Variants in SEC24A observed in about 807,000 individuals in gnomAD.
SEC24A encodes the protein SEC24 homolog A, COPII component, also known as protein transport protein Sec24A.
A neutral mutation model predicts 129.4 loss-of-function variants in SEC24A; 93 were observed. The observed-to-expected ratio is 0.72, with a 90% confidence interval of 0.61 to 0.85. The LOEUF (loss-of-function observed/expected upper bound fraction) is 0.85, where lower values mean the gene tolerates loss of function less well. SEC24A is among the 40% of genes least tolerant of loss of function. The probability of loss-of-function intolerance (pLI) is 0.00; values close to 1 mark genes in which losing one functional copy is unlikely to be tolerated. For missense variants in SEC24A, 1,264 were observed against 1,307.4 expected (o/e 0.97, Z 0.51); for synonymous variants, 460 against 467.3 (o/e 0.98, Z 0.20).
At chr5:134,703,693 A>G (rs1286145653) in intron 15 of SEC24A, 66 bp from the exon 16 acceptor site, 7 of 1,053,360 alleles carry the variant, frequency 6.6e-6, no homozygotes, top group East Asian at 2.5e-5. Flanking sequence ...ATAAGTAACT[A>G]GGATAAAATG....
At chr5:134,716,737 G>A (rs187224037) in intron 19 of SEC24A, among the ~76,000 whole-genome samples, 15 of 147,226 alleles carry the variant, frequency 1.0e-4, no homozygotes, top group Admixed American at 2.7e-4. Flanking sequence ...GGCAAAGGTC[G>A]CAGTGAGCTG....
rs187146236 is a variant in SEC24A, at chr5:134,690,364, A to G, written c.1723+2065A>G. On this transcript the variant is annotated intron_variant, in intron 11 of 22. Transcript: ENST00000398844. Reference sequence around the variant, plus strand: ...CAGAGACTCTTGTTGCCCATGTTGCAGTGCAATGGTGCAATCATAGCTTGC... The same window carrying G: ...CAGAGACTCTTGTTGCCCATGTTGCGGTGCAATGGTGCAATCATAGCTTGC... Among the ~76,000 whole-genome samples, 54 of 152,248 alleles carry G rather than the reference A, an allele frequency of 3.5e-4. No individual in the cohort carries two copies. In the East Asian group the frequency reaches 9.5e-3, roughly 27 times the overall value.
At chr5:134,671,511 T>G (rs1750861785) in intron 3 of SEC24A, among the ~76,000 whole-genome samples, 1 of 152,202 alleles carries the variant, frequency 6.6e-6, no homozygotes, top group Admixed American at 6.6e-5. Flanking sequence ...TGCTAGAAGT[T>G]ATTTTGCTGG....
intron 2 of SEC24A, among the ~76,000 whole-genome samples, chr5:134,665,521 A>G (rs1750630503): frequency 6.6e-6 from 1 of 151,678 alleles, no homozygotes; most frequent in South Asian, 2.1e-4. Flanking sequence ...ATAGACATGA[A>G]CCACTGCTCC....
At chr5:134,660,820 G>A (rs1561802382) in intron 1 of SEC24A, among the ~76,000 whole-genome samples, 1 of 152,130 alleles carries the variant, frequency 6.6e-6, no homozygotes, top group South Asian at 2.1e-4. Flanking sequence ...GCCTCCCAAA[G>A]TGCTGGGATT....
At position 134,677,962 on chromosome 5, in the gene SEC24A, A is replaced by G. The variant is rs533702281; in HGVS notation, c.1255-1640A>G. ...CTGTCTCAGGGTTTCTGGTAAATCA[A>G]AACAAATCTCCCCAAATCTGATAGT... On this transcript the variant is annotated intron_variant, in intron 7 of 22. Coordinates refer to ENST00000398844, the MANE Select transcript of SEC24A (RefSeq NM_021982.3). Among the ~76,000 whole-genome samples the G allele has an allele frequency of 2.8e-3, 426 of 152,308 alleles. 3 individuals are homozygous for G. Among genetic ancestry groups the G allele is most frequent in the Middle Eastern group, 6.8e-3 (2 of 292 alleles).
Position 134,662,376 on chromosome 5 carries a change from G to C in SEC24A, c.565+790G>C, listed in dbSNP as rs559602427. Reference sequence around the variant, plus strand: ...TCACCGTGTTAGCCAGGATGGTCTCGATCTCCTGACCTCGTGATCCGCCCG... The same window carrying C: ...TCACCGTGTTAGCCAGGATGGTCTCCATCTCCTGACCTCGTGATCCGCCCG... On this transcript the variant is annotated intron_variant, in intron 2 of 22. Transcript: ENST00000398844. Among the ~76,000 whole-genome samples the C allele has an allele frequency of 6.6e-5, 10 of 152,038 alleles. No homozygotes were observed. In the East Asian group the frequency reaches 1.4e-3, roughly 21 times the overall value.
At chr5:134,705,091 T>TATATA (rs1491338363) in intron 16 of SEC24A, among the ~76,000 whole-genome samples, 83 of 94,976 alleles carry the variant, frequency 8.7e-4, no homozygotes, top group African/African-American at 3.4e-3. Flanking sequence ...TATATATATA[T>TATATA]TTTTTTTTTT....
chr5:134,705,512 T>A (rs755080285), intron 17 of SEC24A, 75 bp downstream of exon 17: 1 of 942,622 alleles, frequency 1.1e-6, no homozygotes, highest in Non-Finnish European at 1.7e-6. Context: ...TGTTTTCCTT[T>A]AAATAGTTAG....
chr5:134,658,879 A>G (rs1434062931), intron 1 of SEC24A, among the ~76,000 whole-genome samples: 1 of 152,138 alleles, frequency 6.6e-6, no homozygotes, highest in Non-Finnish European at 1.5e-5. Flanking sequence ...TCAGATTGAC[A>G]TCTTTCCTGG....
chr5:134,701,657 C>T (rs914474112), intron 15 of SEC24A, among the ~76,000 whole-genome samples: 4 of 151,894 alleles, frequency 2.6e-5, no homozygotes, highest in East Asian at 1.9e-4. Context: ...ATTACAGGCA[C>T]GTGCTACCAT....
Position 134,658,806 on chromosome 5 carries a change from T to C in SEC24A, c.98-2313T>C, listed in dbSNP as rs1446767801. 2.0e-5 allele frequency among the ~76,000 whole-genome samples: 3 copies of C among 152,100 alleles called. No homozygotes were observed. In the East Asian group the frequency reaches 5.8e-4, roughly 29 times the overall value. On this transcript the variant is annotated intron_variant, in intron 1 of 22. Coordinates refer to ENST00000398844, the MANE Select transcript of SEC24A (RefSeq NM_021982.3). Reference sequence around the variant, plus strand: ...GATAAATGGGCTTTTAGAATAGATATGATAGTTTTGTGATGATATCTGTTT... The same window carrying C: ...GATAAATGGGCTTTTAGAATAGATACGATAGTTTTGTGATGATATCTGTTT...
intron 18 of SEC24A, among the ~76,000 whole-genome samples, chr5:134,712,987 A>AG (rs1752374411): frequency 3.8e-5 from 5 of 129,892 alleles, no homozygotes. Context: ...GCTGGAGTGC[A>AG]GTGGCGCAGT....
At chr5:134,703,725 A>G in intron 15 of SEC24A, 34 bp from the exon 16 acceptor site, 1 of 1,431,018 alleles carries the variant, frequency 7.0e-7, no homozygotes, top group Non-Finnish European at 9.8e-7. Context: ...ATGTAGGTAT[A>G]TAAAAATAAT....
intron 18 of SEC24A, among the ~76,000 whole-genome samples, chr5:134,713,492 C>G (rs1377120928): frequency 2.6e-5 from 4 of 152,026 alleles, no homozygotes; most frequent in Non-Finnish European, 4.4e-5. Flanking sequence ...TCCATGAGGA[C>G]AAGGATTTTT....
chr5:134,697,029 A>G (rs1178534212), intron 13 of SEC24A, 97 bp from the exon 14 acceptor site: 3 of 663,160 alleles, frequency 4.5e-6, no homozygotes, highest in South Asian at 3.2e-5. Context: ...AATAATTGCA[A>G]TTGTTGTTAA....
chr5:134,701,846 T>G (rs868715698), intron 15 of SEC24A, among the ~76,000 whole-genome samples: 42 of 152,290 alleles, frequency 2.8e-4, no homozygotes, highest in Admixed American at 1.6e-3. Flanking sequence ...TAAAGCTTTG[T>G]GGTTAGCTTG....
At chr5:134,717,130 C>T (rs969778144) in intron 19 of SEC24A, among the ~76,000 whole-genome samples, 2 of 151,996 alleles carry the variant, frequency 1.3e-5, no homozygotes, top group African/African-American at 2.4e-5. Flanking sequence ...CCACCCGCCT[C>T]AGCCTCCCAA....
In SEC24A at chr5:134,678,784, G is replaced by T. The variant is rs184465731; in HGVS notation, c.1255-818G>T. Among the ~76,000 whole-genome samples, 5 of 152,288 alleles carry T rather than the reference G, an allele frequency of 3.3e-5. No individual in the cohort carries two copies. In the East Asian group the frequency reaches 9.6e-4, roughly 29 times the overall value. On this transcript the variant is annotated intron_variant, in intron 7 of 22. Transcript: ENST00000398844. ...TTTAGTATAGACGAGGTTTCACCAC[G>T]TTGGCCAGGCTGGTCTTGAACTCCT...
Sources: allele counts gnomAD v4.1 joint callset (sites outside exome capture counted in the v4.1 genomes callset), GRCh38; gene constraint gnomAD v4.1.1; transcripts MANE v1.5; gene names NCBI Gene and HGNC (gene_info 2026-07-23, HGNC 2026-07-21).